COMMD7: variants seen among roughly 807,000 people sequenced by gnomAD.
COMMD7 encodes COMM domain-containing protein 7.
In COMMD7, 28 loss-of-function variants were observed where a neutral mutation model predicts 34.8. The observed-to-expected ratio is 0.80, with a 90% CI of 0.60 to 1.10. COMMD7 has a LOEUF of 1.10. Among genes scored for constraint, COMMD7 ranks in the 50% least tolerant of loss-of-function variants. COMMD7 has a pLI of 0.00. For synonymous variants in COMMD7, 80 were observed against 86.4 expected (o/e 0.93, Z 0.41); for missense variants, 211 against 241.6 (o/e 0.87, Z 0.84).
At chr20:32,743,236 G>GGGCCCCCCC in intron 1 of COMMD7, 72 bp downstream of exon 1, 1 of 555,856 alleles carries the variant, frequency 1.8e-6, no homozygotes, top group Non-Finnish European at 3.1e-6. Context: ...ACCCCCGGAC[G>GGGCCCCCCC]TCCCCCCCAC....
chr20:32,712,269 C>CAAA (rs56096713), intron 3 of COMMD7, among the ~76,000 whole-genome samples: 864 of 71,736 alleles, frequency 0.012, 65 homozygotes, highest in African/African-American at 0.037. Flanking sequence ...GACTCCGTCT[C>CAAA]AAAAAAAAAA....
At chr20:32,740,628 A>G (rs1441235962) in intron 1 of COMMD7, among the ~76,000 whole-genome samples, 2 of 151,772 alleles carry the variant, frequency 1.3e-5, no homozygotes, top group East Asian at 3.9e-4. Context: ...AGTGCCAAAA[A>G]GTTTAACAAA....
chr20:32,730,265 T>A (rs6141792), intron 1 of COMMD7, among the ~76,000 whole-genome samples: 27,166 of 151,376 alleles, frequency 0.18, 2,712 homozygotes, highest in East Asian at 0.4. Flanking sequence ...CTGTGAACAG[T>A]GTGTATGGGC....
At chr20:32,713,318 G>A (rs1486854219) in intron 3 of COMMD7, among the ~76,000 whole-genome samples, 1 of 152,180 alleles carries the variant, frequency 6.6e-6, no homozygotes, top group Non-Finnish European at 1.5e-5. Context: ...CTAAAGTGCT[G>A]GGACTACAGG....
chr20:32,727,753 C>T, intron 3 of COMMD7, 140 bp downstream of exon 3: 1 of 688,838 alleles, frequency 1.5e-6, no homozygotes, highest in Non-Finnish European at 2.6e-6. Flanking sequence ...GGGCTCCCTC[C>T]AGAGACAGAG....
chr20:32,707,358 T>C (rs1006876761), intron 3 of COMMD7, among the ~76,000 whole-genome samples: 9 of 131,416 alleles, frequency 6.8e-5, no homozygotes, highest in African/African-American at 2.5e-4. Flanking sequence ...CTCGCTCTGT[T>C]GCCCAGGCTG....
At chr20:32,728,039 G>T (rs1985617775) in intron 2 of COMMD7, 44 bp from the exon 3 acceptor site, 1 of 1,611,100 alleles carries the variant, frequency 6.2e-7, no homozygotes, top group African/African-American at 1.3e-5. Flanking sequence ...CACTTTCTAA[G>T]CATCTCAGGG....
Position 32,727,970 on chromosome 20 carries a change from G to C in COMMD7, c.164C>G (p.Ser55Cys). The change falls in exon 3 of 9, where the codon TCT becomes TGT. Residue 55 changes from serine (S) to cysteine (C), a missense_variant. By Grantham distance (112) the Ser-to-Cys change is moderately radical. Coordinates refer to ENST00000278980, the MANE Select transcript of COMMD7 (RefSeq NM_053041.3). ...GATCTGATTGGTGGTGGCAAATTCA[G>C]AGAGCTGAGCCAGAAATCTTTCCAC... Reference protein sequence around the residue: ...KEVERFLAQLSEFATTNQISL... With the variant: ...KEVERFLAQLCEFATTNQISL... 1 of 1,614,148 alleles carries C rather than the reference G, an allele frequency of 6.2e-7. No individual in the cohort carries two copies. The highest frequency in any genetic ancestry group is 8.5e-7 in the Non-Finnish European group (1 of 1,180,010).
intron 1 of COMMD7, 73 bp downstream of exon 1, chr20:32,743,235 C>G: frequency 1.4e-6 from 1 of 735,820 alleles, no homozygotes; most frequent in Admixed American, 2.7e-5. Context: ...CACCCCCGGA[C>G]GTCCCCCCCA....
chr20:32,719,155 G>T (rs1038350043), intron 3 of COMMD7, among the ~76,000 whole-genome samples: 1 of 152,170 alleles, frequency 6.6e-6, no homozygotes, highest in African/African-American at 2.4e-5. Context: ...ACTTCATTAC[G>T]CAAGGTAAAC....
chr20:32,734,597 A>G (rs1986038688), intron 1 of COMMD7, among the ~76,000 whole-genome samples: 1 of 152,122 alleles, frequency 6.6e-6, no homozygotes, highest in African/African-American at 2.4e-5. Context: ...GATGTTCAAG[A>G]TCACCATAGG....
intron 3 of COMMD7, among the ~76,000 whole-genome samples, chr20:32,727,183 C>A (rs539332838): frequency 6.6e-6 from 1 of 151,216 alleles, no homozygotes; most frequent in South Asian, 2.1e-4. Context: ...GCTATGATTG[C>A]ACCACTGTAT....
chr20:32,726,555 T>C (rs976565287), intron 3 of COMMD7, among the ~76,000 whole-genome samples: 1 of 150,602 alleles, frequency 6.6e-6, no homozygotes, highest in Non-Finnish European at 1.5e-5. Flanking sequence ...TACAAAAAAT[T>C]AGCTGGGTGT....
Position 32,740,968 on chromosome 20 carries a change from C to T in COMMD7, c.84+2340G>A, listed in dbSNP as rs748679562. The stretch of plus-strand genomic sequence containing the variant: ...GACCAGCCTGGCCAACATGGTGAAA[C>T]GCTGTCTCTACTAAAAATACAAAAA... On this transcript the variant is annotated intron_variant, in intron 1 of 8. Coordinates refer to ENST00000278980, the MANE Select transcript of COMMD7 (RefSeq NM_053041.3). Among the ~76,000 whole-genome samples, 93 of 151,974 alleles carry T rather than the reference C, an allele frequency of 6.1e-4. 1 individual carries two copies. The highest frequency in any genetic ancestry group is 1.0e-3 in the Non-Finnish European group (68 of 67,990).
intron 1 of COMMD7, among the ~76,000 whole-genome samples, chr20:32,737,261 T>C (rs1050203381): frequency 2.0e-5 from 3 of 151,414 alleles, no homozygotes; most frequent in African/African-American, 7.3e-5. Flanking sequence ...TCTCAGCTAC[T>C]CGGGAGGCTG....
chr20:32,731,250 C>A (rs1264139560), intron 1 of COMMD7, among the ~76,000 whole-genome samples: 1 of 152,078 alleles, frequency 6.6e-6, no homozygotes, highest in East Asian at 1.9e-4. Flanking sequence ...CCCAGGCATT[C>A]CAAGCTGCAG....
intron 3 of COMMD7, among the ~76,000 whole-genome samples, chr20:32,714,824 AAAC>A (rs55911529): frequency 0.024 from 3,371 of 139,736 alleles, 49 homozygotes; most frequent in Non-Finnish European, 0.036. Context: ...ACTCCATCTC[AAAC>A]AACAACAACA....
At chr20:32,719,517 G>A (rs1351524712) in intron 3 of COMMD7, among the ~76,000 whole-genome samples, 1 of 152,080 alleles carries the variant, frequency 6.6e-6, no homozygotes, top group Admixed American at 6.6e-5. Flanking sequence ...AGGCATGGTG[G>A]CGGGTGCCTG....
chr20:32,714,854 C>CAACAACAAA (rs1474373772), intron 3 of COMMD7, among the ~76,000 whole-genome samples: 2 of 141,546 alleles, frequency 1.4e-5, no homozygotes, highest in South Asian at 2.3e-4. Context: ...ACAACAACAA[C>CAACAACAAA]AAAAATTAGC....
Sources: gnomAD v4.1 joint callset for allele counts (sites outside exome capture counted in the v4.1 genomes callset) on GRCh38, gnomAD v4.1.1 for gene constraint, MANE v1.5 for transcripts, NCBI Gene and HGNC (gene_info 2026-07-23, HGNC 2026-07-21) for gene names.